The following LPP variants were observed in gnomAD, a reference collection of about 807,000 sequenced individuals.
LPP encodes the protein lipoma-preferred partner.
A neutral mutation model predicts 60.4 loss-of-function variants in LPP; 38 were observed. The ratio of observed to expected loss-of-function variants is 0.63; its 90% CI spans 0.49 to 0.83. The LOEUF (loss-of-function observed/expected upper bound fraction) is 0.83, where lower values mean the gene tolerates loss of function less well. LPP is among the 40% of genes least tolerant of loss of function. LPP has a pLI of 0.00. For missense variants in LPP, 902 were observed against 783.6 expected (o/e 1.15, Z -1.80); for synonymous variants, 328 against 290.8 (o/e 1.13, Z -1.30).
chr3:188,461,453 G>A (rs759588006), intron 4 of LPP, among the ~76,000 whole-genome samples: 73 of 152,018 alleles, frequency 4.8e-4, no homozygotes, highest in Non-Finnish European at 8.8e-4. Flanking sequence ...TACAATATAC[G>A]TATCAAATGC....
At chr3:188,326,224 G>T (rs748217942) in intron 2 of LPP, among the ~76,000 whole-genome samples, 13 of 152,176 alleles carry the variant, frequency 8.5e-5, no homozygotes, top group Non-Finnish European at 1.2e-4. Context: ...TTCTTTGTGC[G>T]CACGCTGGTG....
chr3:188,463,794 G>A (rs1327943582), intron 4 of LPP, among the ~76,000 whole-genome samples: 2 of 152,154 alleles, frequency 1.3e-5, no homozygotes, highest in African/African-American at 2.4e-5. Context: ...CATTTAACCA[G>A]CTTTTGTTCA....
chr3:188,722,997 G>A (rs948495428), intron 8 of LPP, among the ~76,000 whole-genome samples: 13 of 152,018 alleles, frequency 8.6e-5, no homozygotes, highest in African/African-American at 3.1e-4. Context: ...TTGGAATATC[G>A]CTGGAGAATA....
chr3:188,583,007 C>T (rs562247606), intron 6 of LPP, among the ~76,000 whole-genome samples: 2 of 152,314 alleles, frequency 1.3e-5, no homozygotes, highest in South Asian at 4.1e-4. Context: ...CCCAATCTAT[C>T]CACCAAGGCT....
At chr3:188,353,157 G>T (rs1186247657) in intron 3 of LPP, among the ~76,000 whole-genome samples, 1 of 152,114 alleles carries the variant, frequency 6.6e-6, no homozygotes, top group Admixed American at 6.6e-5. Context: ...GTGAAATGTG[G>T]TCTCCGCCAC....
chr3:188,335,992 C>T (rs767887630), intron 2 of LPP, among the ~76,000 whole-genome samples: 4 of 152,114 alleles, frequency 2.6e-5, no homozygotes, highest in Non-Finnish European at 2.9e-5. Flanking sequence ...TCTAAAGCTA[C>T]GTTCAATGTC....
At chr3:188,779,564 T>C (rs935365541) in intron 9 of LPP, among the ~76,000 whole-genome samples, 2 of 152,066 alleles carry the variant, frequency 1.3e-5, no homozygotes, top group African/African-American at 4.8e-5. Context: ...AGGCTGCTCA[T>C]TCATTTTTCA....
At chr3:188,479,953 T>G (rs758120621) in intron 4 of LPP, among the ~76,000 whole-genome samples, 11 of 152,312 alleles carry the variant, frequency 7.2e-5, no homozygotes, top group Admixed American at 3.9e-4. Flanking sequence ...ATCTTCACCC[T>G]CTGATGGGGG....
intron 6 of LPP, among the ~76,000 whole-genome samples, chr3:188,548,350 GGTAAGACACATAGCTTA>G (rs1181629992): frequency 1.3e-5 from 2 of 152,060 alleles, no homozygotes. Context: ...TCCTTTTCTT[GGTAAGACACATAGCTTA>G]GTCCACCTCA....
Position 188,876,524 on chromosome 3 carries a change from T to C in LPP, c.*2045T>C, listed in dbSNP as rs919507831. On this transcript the variant is annotated 3_prime_UTR_variant, in exon 12 of 12. Transcript: ENST00000617246. ...TTTGGGAGGCAATGTCAACTGTGTC[T>C]CTGAATTCCTGTCTTCCAAATTGAA... 6 of 204,884 alleles carry C rather than the reference T, an allele frequency of 2.9e-5. No individual in the cohort carries two copies. 12.7% of individuals were successfully genotyped at this position (204,884 alleles called of 1,614,324 possible). A position where few individuals can be genotyped will look rare whatever the true frequency, so the allele number is the denominator to read the frequency against.
intron 7 of LPP, among the ~76,000 whole-genome samples, chr3:188,618,828 T>C (rs1045027574): frequency 9.9e-5 from 15 of 152,180 alleles, no homozygotes; most frequent in African/African-American, 3.6e-4. Flanking sequence ...CCATCTTTTT[T>C]TAAATTCACA....
intron 2 of LPP, among the ~76,000 whole-genome samples, chr3:188,330,341 G>A (rs990072962): frequency 2.0e-5 from 3 of 152,192 alleles, no homozygotes; most frequent in Non-Finnish European, 2.9e-5. Flanking sequence ...GTGGAAGGAG[G>A]CTTGCAAACT....
chr3:188,181,189 C>T (rs1421371617), intron 1 of LPP, among the ~76,000 whole-genome samples: 1 of 151,914 alleles, frequency 6.6e-6, no homozygotes, highest in African/African-American at 2.4e-5. Flanking sequence ...CCCGTCTCTA[C>T]TAAAAATACA....
intron 7 of LPP, among the ~76,000 whole-genome samples, chr3:188,706,902 G>A (rs1865586428): frequency 6.6e-6 from 1 of 152,112 alleles, no homozygotes; most frequent in Non-Finnish European, 1.5e-5. Context: ...TTAAATAATA[G>A]CATTTCTGTT....
chr3:188,643,289 C>A (rs1222679539), intron 7 of LPP, among the ~76,000 whole-genome samples: 1 of 152,140 alleles, frequency 6.6e-6, no homozygotes, highest in Non-Finnish European at 1.5e-5. Flanking sequence ...CATTTTTATT[C>A]TTCTATTTAT....
At chr3:188,816,018 A>T (rs1287457930) in intron 9 of LPP, among the ~76,000 whole-genome samples, 1 of 151,994 alleles carries the variant, frequency 6.6e-6, no homozygotes, top group Non-Finnish European at 1.5e-5. Flanking sequence ...TGACTTTAAA[A>T]TTTTTCCTTT....
intron 9 of LPP, among the ~76,000 whole-genome samples, chr3:188,770,344 ATTTTT>A (rs61040174): frequency 7.8e-5 from 9 of 115,384 alleles, no homozygotes; most frequent in African/African-American, 1.6e-4. Context: ...ACGCCCAGCT[ATTTTT>A]TTTTTTTTTT....
At chr3:188,164,529 G>C (rs1719342025) in intron 1 of LPP, among the ~76,000 whole-genome samples, 1 of 152,172 alleles carries the variant, frequency 6.6e-6, no homozygotes, top group African/African-American at 2.4e-5. Flanking sequence ...GTCTTGTTTG[G>C]TATGAAAACG....
intron 4 of LPP, among the ~76,000 whole-genome samples, chr3:188,459,201 A>G (rs1798434367): frequency 6.6e-6 from 1 of 152,156 alleles, no homozygotes; most frequent in Non-Finnish European, 1.5e-5. Context: ...GACTTCCGCC[A>G]TTCCCTAAAT....
Sources: gnomAD v4.1 joint callset for allele counts (sites outside exome capture counted in the v4.1 genomes callset) on GRCh38, gnomAD v4.1.1 for gene constraint, MANE v1.5 for transcripts, NCBI Gene and HGNC (gene_info 2026-07-23, HGNC 2026-07-21) for gene names.